The following ATG10 variants were observed in gnomAD, a reference collection of about 807,000 sequenced individuals.
ATG10 encodes the protein ubiquitin-like-conjugating enzyme ATG10.
A neutral mutation model predicts 32.1 loss-of-function variants in ATG10; 30 were observed. The observed-to-expected ratio is 0.94, with a 90% CI of 0.70 to 1.27. The LOEUF (loss-of-function observed/expected upper bound fraction) is 1.27. Ranked by LOEUF, ATG10 falls within the 50% of genes most tolerant of loss-of-function variation. The probability of loss-of-function intolerance (pLI) is 0.00; values close to 1 mark genes in which losing one functional copy is unlikely to be tolerated. For synonymous variants in ATG10, 87 were observed against 91.5 expected, an observed-to-expected ratio of 0.95 and a Z score of 0.28; for missense variants, 233 against 262.3, an observed-to-expected ratio of 0.89 and a Z score of 0.77.
In ATG10 at chr5:82,252,641, A is replaced by C; in HGVS notation, c.533A>C (p.Asn178Thr). The part of the protein sequence containing the change: ...TNEFMTPVLK[N>T]SQKINKNVNY... ...GAATTCATGACTCCTGTATTAAAGA[A>C]TTCTCAGAAAATCAATAAGTAAGAA... is the stretch of plus-strand genomic sequence containing the variant. The change falls in exon 6 of 8, where the codon AAT becomes ACT. Residue 178 changes from asparagine to threonine, a missense_variant. Asn to Thr is a moderately conservative substitution (Grantham distance 65). Coordinates refer to ENST00000282185, the MANE Select transcript of ATG10 (RefSeq NM_031482.5). The C allele has an allele frequency of 1.9e-6, 3 of 1,589,586 alleles. No individual in the cohort carries two copies. Among genetic ancestry groups the C allele is most frequent in the Non-Finnish European group, 2.6e-6 (3 of 1,166,502 alleles).
chr5:82,223,625 GTCT>G (rs1283376918), intron 5 of ATG10, among the ~76,000 whole-genome samples: 1 of 152,058 alleles, frequency 6.6e-6, no homozygotes, highest in Non-Finnish European at 1.5e-5. Flanking sequence ...CTATGGCATG[GTCT>G]TCTTTCCCCA....
At chr5:82,080,439 T>C (rs898514935) in intron 3 of ATG10, among the ~76,000 whole-genome samples, 3 of 152,218 alleles carry the variant, frequency 2.0e-5, no homozygotes, top group African/African-American at 7.2e-5. Context: ...TCCTTGCCCA[T>C]GCCTATGTCC....
intron 3 of ATG10, among the ~76,000 whole-genome samples, chr5:82,158,378 G>A (rs576188640): frequency 3.6e-5 from 5 of 139,546 alleles, no homozygotes; most frequent in Non-Finnish European, 7.6e-5. Flanking sequence ...TGTGGGTTCC[G>A]TATCCATGGA....
intron 5 of ATG10, among the ~76,000 whole-genome samples, chr5:82,244,171 G>T (rs924259177): frequency 1.3e-5 from 2 of 152,048 alleles, no homozygotes; most frequent in African/African-American, 4.8e-5. Flanking sequence ...TTTATTCTTG[G>T]TATTGTCTGA....
chr5:82,013,380 T>G (rs921257403), intron 2 of ATG10, among the ~76,000 whole-genome samples: 1 of 152,216 alleles, frequency 6.6e-6, no homozygotes, highest in African/African-American at 2.4e-5. Context: ...CCACCCAGCT[T>G]GCTGCAAATG....
intron 3 of ATG10, among the ~76,000 whole-genome samples, chr5:82,163,098 AAAAG>A (rs1346509577): frequency 6.6e-6 from 1 of 152,190 alleles, no homozygotes; most frequent in Non-Finnish European, 1.5e-5. Context: ...TTATTGACCA[AAAAG>A]AAAGAATTTG....
At chr5:81,984,943 A>C (rs1321272672) in intron 1 of ATG10, among the ~76,000 whole-genome samples, 1 of 152,192 alleles carries the variant, frequency 6.6e-6, no homozygotes, top group Non-Finnish European at 1.5e-5. Context: ...TCAAGCCATA[A>C]GTGTTTGTAT....
intron 3 of ATG10, among the ~76,000 whole-genome samples, chr5:82,154,236 A>G (rs1325279272): frequency 2.0e-5 from 3 of 152,208 alleles, no homozygotes; most frequent in African/African-American, 7.2e-5. Context: ...ATTAATTTAC[A>G]TATTATCTAG....
At chr5:82,222,353 C>T (rs774869834) in intron 5 of ATG10, among the ~76,000 whole-genome samples, 1 of 152,202 alleles carries the variant, frequency 6.6e-6, no homozygotes, top group Non-Finnish European at 1.5e-5. Flanking sequence ...TTAATTTCCT[C>T]ATCTGTGAAA....
chr5:82,233,826 T>C (rs188149576), intron 5 of ATG10, among the ~76,000 whole-genome samples: 13 of 152,316 alleles, frequency 8.5e-5, no homozygotes, highest in Admixed American at 5.2e-4. Context: ...GCAAATTAAA[T>C]TGACAAAAAA....
intron 5 of ATG10, among the ~76,000 whole-genome samples, chr5:82,202,617 A>C (rs1561355028): frequency 6.6e-6 from 1 of 152,170 alleles, no homozygotes; most frequent in Non-Finnish European, 1.5e-5. Context: ...GGGATCTCAG[A>C]GGCTCCTTTT....
chr5:82,010,901 G>C (rs1344108301), intron 2 of ATG10, among the ~76,000 whole-genome samples: 1 of 152,124 alleles, frequency 6.6e-6, no homozygotes, highest in African/African-American at 2.4e-5. Context: ...GAGTGTATAG[G>C]ACAGTCTTAT....
Position 82,058,447 on chromosome 5 carries a change from T to G in ATG10, c.109-48T>G, listed in dbSNP as rs1191490258. The G allele has an allele frequency of 2.2e-6, 3 of 1,360,670 alleles. No individual in the cohort carries two copies. The East Asian group carries it at 7.0e-5, about 32-fold the overall frequency. The allele number at this position is 1,360,670 out of a possible 1,614,324, so 84.3% of individuals were successfully genotyped here. On this transcript the variant is annotated intron_variant, in intron 2 of 7. Coordinates refer to ENST00000282185, the MANE Select transcript of ATG10 (RefSeq NM_031482.5). ...AAGTGGTTCTTAAAATGATGAATTCTTAAAATAATTGGCATTTTCTTATAT... is the reference window on the plus strand; with the variant it reads ...AAGTGGTTCTTAAAATGATGAATTCGTAAAATAATTGGCATTTTCTTATAT...
intron 2 of ATG10, among the ~76,000 whole-genome samples, chr5:82,037,129 CAAAA>C (rs1159037400): frequency 3.9e-5 from 1 of 25,798 alleles, no homozygotes; most frequent in Non-Finnish European, 7.3e-5. Context: ...GACTCTGTCT[CAAAA>C]AAAAAAAAAA....
intron 5 of ATG10, among the ~76,000 whole-genome samples, chr5:82,180,277 G>C (rs1227135103): frequency 1.3e-5 from 2 of 152,080 alleles, no homozygotes; most frequent in African/African-American, 4.8e-5. Context: ...CTCTTGTGCA[G>C]TTTGTTCTTG....
intron 1 of ATG10, among the ~76,000 whole-genome samples, chr5:81,974,017 A>G (rs769486064): frequency 6.6e-6 from 1 of 152,216 alleles, no homozygotes; most frequent in African/African-American, 2.4e-5. Flanking sequence ...GTGACAAACT[A>G]CATGTCGACA....
intron 2 of ATG10, among the ~76,000 whole-genome samples, chr5:82,021,625 G>C (rs1341649297): frequency 6.6e-6 from 1 of 152,202 alleles, no homozygotes; most frequent in Non-Finnish European, 1.5e-5. Flanking sequence ...GCTCAAACCT[G>C]TAATCCCAGC....
chr5:81,993,460 G>A (rs576463283), intron 2 of ATG10, among the ~76,000 whole-genome samples: 6 of 139,954 alleles, frequency 4.3e-5, no homozygotes, highest in Admixed American at 3.0e-4. Context: ...GCAGAGTCTC[G>A]CCCTGTTGCC....
At chr5:82,072,601 A>T (rs1764162609) in intron 3 of ATG10, among the ~76,000 whole-genome samples, 2 of 152,186 alleles carry the variant, frequency 1.3e-5, no homozygotes, top group Admixed American at 1.3e-4. Context: ...CATTTTATGA[A>T]ATAATGAAGA....
Sources: gnomAD v4.1 joint callset for allele counts (sites outside exome capture counted in the v4.1 genomes callset) on GRCh38, gnomAD v4.1.1 for gene constraint, MANE v1.5 for transcripts, NCBI Gene and HGNC (gene_info 2026-07-23, HGNC 2026-07-21) for gene names.